Variants in HMCN1 observed in about 807,000 individuals in gnomAD.
HMCN1 encodes hemicentin-1.
Under a neutral mutation model 625.9 loss-of-function variants are expected in HMCN1, and 321 were observed. The ratio of observed to expected loss-of-function variants is 0.51; its 90% CI spans 0.47 to 0.56. The LOEUF is 0.56. HMCN1 is among the 20% of genes least tolerant of loss of function. The probability of loss-of-function intolerance (pLI) is 0.00; values close to 1 mark genes in which losing one functional copy is unlikely to be tolerated. For synonymous variants in HMCN1, 2,425 were observed against 2,417.6 expected, an observed-to-expected ratio of 1.00 and a Z score of -0.09; for missense variants, 6,588 against 6,887.3, an observed-to-expected ratio of 0.96 and a Z score of 1.54.
chr1:185,950,428 G>C (rs1256365989), intron 11 of HMCN1, among the ~76,000 whole-genome samples: 3 of 152,008 alleles, frequency 2.0e-5, no homozygotes, highest in Admixed American at 6.5e-5. Flanking sequence ...AAGTTGTTTG[G>C]ACAGAAAGGC....
chr1:185,823,834 A>G (rs1367389328), intron 1 of HMCN1, among the ~76,000 whole-genome samples: 1 of 152,216 alleles, frequency 6.6e-6, no homozygotes, highest in East Asian at 1.9e-4. Flanking sequence ...CTAGAAATGA[A>G]TAATTAAATT....
intron 22 of HMCN1, among the ~76,000 whole-genome samples, 162 bp downstream of exon 22, chr1:185,990,605 A>G (rs562415925): frequency 6.6e-6 from 1 of 152,326 alleles, no homozygotes; most frequent in South Asian, 2.1e-4. Flanking sequence ...ATAACACTGA[A>G]TCATGCTTCT....
At chr1:186,052,486 A>G (rs746324169) in intron 42 of HMCN1, among the ~76,000 whole-genome samples, 1 of 152,056 alleles carries the variant, frequency 6.6e-6, no homozygotes, top group African/African-American at 2.4e-5. Flanking sequence ...TCCTTTGTTT[A>G]GATGAAACCC....
chr1:185,989,772 ATTTT>A (rs1156913510), intron 21 of HMCN1, 125 bp downstream of exon 21: 8,081 of 533,294 alleles, frequency 0.015, 26 homozygotes, highest in Admixed American at 0.02. Flanking sequence ...CCAGATTTCT[ATTTT>A]TTTTTTTTTT....
chr1:186,128,959 GT>G (rs11446859), intron 83 of HMCN1, among the ~76,000 whole-genome samples: 4 of 151,670 alleles, frequency 2.6e-5, no homozygotes, highest in Non-Finnish European at 5.9e-5. Flanking sequence ...AAGCTTGAGA[GT>G]TTTTTTCTAT....
Position 186,136,799 on chromosome 1 carries a change from T to G in HMCN1, c.13444T>G (p.Trp4482Gly). ...GTCCCGTCAAGGGCACTCTATTTCC[T>G]GGGATGACCGGGTTAACGTGTTGTC... ...TWSRQGHSISWDDRVNVLSNN... is the reference protein window; with the variant it reads ...TWSRQGHSISGDDRVNVLSNN... The change falls in exon 87 of 107, where the codon TGG becomes GGG. Residue 4482 changes from tryptophan to glycine, a missense_variant. Around this residue, in one of 3 missense-constraint regions of HMCN1, gnomAD observed 1,954 missense variants for 2,013.1 expected, o/e 0.97. Transcript: ENST00000271588. The G allele has an allele frequency of 1.2e-6, 2 of 1,614,064 alleles. No individual in the cohort carries two copies. The highest frequency in any genetic ancestry group is 1.7e-6 in the Non-Finnish European group (2 of 1,179,964).
At chr1:186,096,216 G>A (rs977753713) in intron 68 of HMCN1, among the ~76,000 whole-genome samples, 2 of 152,134 alleles carry the variant, frequency 1.3e-5, no homozygotes, top group Non-Finnish European at 2.9e-5. Flanking sequence ...TTTGGCAAGA[G>A]TCTTGGTTAG....
intron 34 of HMCN1, among the ~76,000 whole-genome samples, chr1:186,018,584 GAAATAAAT>G (rs895451934): frequency 6.6e-6 from 1 of 151,870 alleles, no homozygotes; most frequent in African/African-American, 2.4e-5. Flanking sequence ...ATAACTCTGG[GAAATAAAT>G]AAATAAATAA....
intron 30 of HMCN1, among the ~76,000 whole-genome samples, chr1:186,011,400 A>G (rs1164711781): frequency 2.6e-5 from 4 of 152,182 alleles, no homozygotes; most frequent in Non-Finnish European, 4.4e-5. Flanking sequence ...GTTTCTTCAT[A>G]CAGCTAAGTA....
At chr1:186,070,836 C>T in intron 52 of HMCN1, 79 bp downstream of exon 52, 1 of 1,345,524 alleles carries the variant, frequency 7.4e-7, no homozygotes, top group South Asian at 1.2e-5. Context: ...ATAAAATAGA[C>T]ACAAGTGACT....
chr1:185,945,667 A>T (rs1003066738), intron 11 of HMCN1, among the ~76,000 whole-genome samples: 1 of 152,190 alleles, frequency 6.6e-6, no homozygotes, highest in Non-Finnish European at 1.5e-5. Context: ...TATCCACTAG[A>T]AGATGACTAA....
intron 76 of HMCN1, 46 bp downstream of exon 76, chr1:186,117,161 C>A (rs779615247): frequency 4.0e-5 from 64 of 1,606,482 alleles, no homozygotes; most frequent in Non-Finnish European, 1.3e-5. Flanking sequence ...AATGCTATCA[C>A]TTCGTTATTC....
intron 1 of HMCN1, among the ~76,000 whole-genome samples, chr1:185,817,527 A>G (rs78743128): frequency 6.6e-6 from 1 of 152,122 alleles, no homozygotes; most frequent in Non-Finnish European, 1.5e-5. Context: ...TGACATGATA[A>G]AGCAGTGAAG....
intron 1 of HMCN1, among the ~76,000 whole-genome samples, chr1:185,812,940 A>G (rs190692288): frequency 1.2e-4 from 19 of 152,296 alleles, no homozygotes; most frequent in Admixed American, 3.3e-4. Flanking sequence ...GATAACTATT[A>G]TAAGTTTTCT....
At chr1:186,013,401 A>G (rs1303801678) in intron 30 of HMCN1, among the ~76,000 whole-genome samples, 1 of 152,228 alleles carries the variant, frequency 6.6e-6, no homozygotes, top group Non-Finnish European at 1.5e-5. Flanking sequence ...GATAAAAATG[A>G]TTCTATCGTC....
chr1:185,965,772 G>A (rs1352001521), intron 13 of HMCN1, 30 bp from the exon 14 acceptor site: 1 of 1,202,260 alleles, frequency 8.3e-7, no homozygotes, highest in South Asian at 1.2e-5. Context: ...TGTGCTAAAT[G>A]TTGACTATTT....
At chr1:186,119,345 G>GT in intron 78 of HMCN1, 47 bp downstream of exon 78, 1 of 1,353,138 alleles carries the variant, frequency 7.4e-7, no homozygotes, top group Non-Finnish European at 1.1e-6. Context: ...GTTTGGGGAG[G>GT]TTTTTTAGTC....
chr1:186,130,744 A>AAT, intron 85 of HMCN1, 47 bp downstream of exon 85: 3 of 1,509,214 alleles, frequency 2.0e-6, no homozygotes, highest in Non-Finnish European at 1.8e-6. Flanking sequence ...CCCCACAGCC[A>AAT]ATACCCCTCT....
Position 185,747,785 on chromosome 1 carries a change from C to A in HMCN1, c.268+12738C>A, listed in dbSNP as rs529037648. On this transcript the variant is annotated intron_variant, in intron 1 of 106. Transcript: ENST00000271588. ...CATTGTATACTCCCAGCTTTCTTTTCTTCAAAACGTTAAACACTAATTGGA... is the reference window on the plus strand; with the variant it reads ...CATTGTATACTCCCAGCTTTCTTTTATTCAAAACGTTAAACACTAATTGGA... 2.6e-5 allele frequency among the ~76,000 whole-genome samples: 4 copies of A among 152,254 alleles called. No individual in the cohort carries two copies. In the South Asian group the frequency reaches 8.3e-4, roughly 32 times the overall value.
Sources: gnomAD v4.1 joint callset for allele counts (sites outside exome capture counted in the v4.1 genomes callset) on GRCh38, gnomAD v4.1.1 for gene constraint, gnomAD v4.1.1 regional missense constraint, MANE v1.5 for transcripts, NCBI Gene and HGNC (gene_info 2026-07-23, HGNC 2026-07-21) for gene names.